HECW1: variants seen among roughly 807,000 people sequenced by gnomAD.
The protein encoded by HECW1 is HECT, C2 and WW domain containing E3 ubiquitin protein ligase 1, also known as E3 ubiquitin-protein ligase HECW1.
Under a neutral mutation model 182.3 loss-of-function variants are expected in HECW1, and 61 were observed. That is an observed-to-expected ratio of 0.33 (90% confidence interval 0.27 to 0.41). The LOEUF (loss-of-function observed/expected upper bound fraction) is 0.41, where lower values mean the gene tolerates loss of function less well. Ranked by LOEUF, HECW1 falls within the 10% of genes least tolerant of loss-of-function variation. The pLI, the probability that HECW1 is intolerant of heterozygous loss-of-function variation, is 1.00. For missense variants in HECW1, 1,739 were observed against 2,108.9 expected (o/e 0.82, Z 3.44); for synonymous variants, 859 against 832.6 (o/e 1.03, Z -0.55).
rs1200185313 is a variant in HECW1 at position 43,565,205 on chromosome 7, T to G, written c.*3279T>G. 4.9e-6 allele frequency: 1 copy of G among 202,052 alleles called. No homozygotes were observed. The highest frequency in any genetic ancestry group is 1.0e-5 in the Non-Finnish European group (1 of 98,246). The allele number at this position is 202,052 out of a possible 1,614,324, so 12.5% of individuals were successfully genotyped here. On this transcript the variant is annotated 3_prime_UTR_variant, in exon 30 of 30. Coordinates refer to ENST00000395891, the MANE Select transcript of HECW1 (RefSeq NM_015052.5). ...CTAAATCTACTGAACTCTTTGTAAT[T>G]TCCTATGTATATAAATGAGTGGAGG...
intron 2 of HECW1, among the ~76,000 whole-genome samples, chr7:43,122,259 C>T (rs1028097871): frequency 6.6e-6 from 1 of 152,186 alleles, no homozygotes; most frequent in African/African-American, 2.4e-5. Flanking sequence ...CAGCGTGAAT[C>T]CTGTCTTTCT....
intron 19 of HECW1, among the ~76,000 whole-genome samples, chr7:43,493,553 C>T (rs2079013570): frequency 6.6e-6 from 1 of 152,108 alleles, no homozygotes; most frequent in Non-Finnish European, 1.5e-5. Context: ...ATTGAGCAGC[C>T]GTGTTCGAAA....
chr7:43,199,414 T>C (rs1794831256), intron 2 of HECW1, among the ~76,000 whole-genome samples: 1 of 152,252 alleles, frequency 6.6e-6, no homozygotes, highest in Non-Finnish European at 1.5e-5. Flanking sequence ...GATCAATTTA[T>C]AAAATACATG....
At chr7:43,411,043 C>G (rs1480106623) in intron 8 of HECW1, among the ~76,000 whole-genome samples, 1 of 114,322 alleles carries the variant, frequency 8.7e-6, no homozygotes, top group East Asian at 2.2e-4. Flanking sequence ...TTATTGCCTT[C>G]TATTTTTTTT....
chr7:43,531,136 C>T (rs1460821582), intron 24 of HECW1, among the ~76,000 whole-genome samples: 4 of 152,160 alleles, frequency 2.6e-5, no homozygotes, highest in East Asian at 1.9e-4. Flanking sequence ...GACTCTTTTC[C>T]GATGTGATTT....
intron 5 of HECW1, among the ~76,000 whole-genome samples, chr7:43,345,799 TAC>T (rs58255657): frequency 0.062 from 9,375 of 150,714 alleles, 774 homozygotes; most frequent in African/African-American, 0.19. Flanking sequence ...ATCATATATA[TAC>T]ACACACACAC....
At chr7:43,514,537 C>T (rs1483038316) in intron 24 of HECW1, among the ~76,000 whole-genome samples, 1 of 152,134 alleles carries the variant, frequency 6.6e-6, no homozygotes, top group Non-Finnish European at 1.5e-5. Flanking sequence ...GATCCATCCT[C>T]CTTGGCCTCC....
In HECW1 at chr7:43,561,754, G is replaced by T. The variant is rs2082214917; in HGVS notation, c.4710-61G>T. ...TGAATCACAACTTCAGACAGTCACA[G>T]ATCCAGAACCAGTTGTATCATTGAA... is the stretch of plus-strand genomic sequence containing the variant. On this transcript the variant is annotated intron_variant, in intron 29 of 29. Transcript: ENST00000395891. 4.3e-6 allele frequency: 5 copies of T among 1,169,140 alleles called. No individual in the cohort carries two copies. The South Asian group carries it at 6.5e-5, about 15-fold the overall frequency. The allele number at this position is 1,169,140 out of a possible 1,614,324, so 72.4% of individuals were successfully genotyped here.
At chr7:43,479,403 C>T (rs1007977014) in intron 16 of HECW1, among the ~76,000 whole-genome samples, 8 of 152,130 alleles carry the variant, frequency 5.3e-5, no homozygotes, top group Non-Finnish European at 1.0e-4. Context: ...CTCACTCGCC[C>T]GTGGCTCACC....
intron 5 of HECW1, among the ~76,000 whole-genome samples, chr7:43,334,870 A>G (rs994239047): frequency 2.6e-5 from 4 of 152,232 alleles, no homozygotes; most frequent in Non-Finnish European, 4.4e-5. Context: ...CTCTATCTCT[A>G]TACCGAGTCT....
intron 17 of HECW1, among the ~76,000 whole-genome samples, chr7:43,480,825 T>C (rs892629454): frequency 9.2e-5 from 14 of 152,076 alleles, no homozygotes; most frequent in Admixed American, 9.2e-4. Context: ...CAATTCACCC[T>C]GCAGCCACCT....
At chr7:43,315,647 C>A (rs1198594881) in intron 4 of HECW1, among the ~76,000 whole-genome samples, 1 of 152,076 alleles carries the variant, frequency 6.6e-6, no homozygotes, top group Non-Finnish European at 1.5e-5. Context: ...GCATGCACCA[C>A]CACCCCTGGC....
rs1163940029 is a variant in HECW1, at chr7:43,554,898, C to T, written c.4709+108C>T. 4 of 1,001,138 alleles carry T rather than the reference C, an allele frequency of 4.0e-6. No individual in the cohort carries two copies. The South Asian group carries it at 4.7e-5, about 12-fold the overall frequency. 62.0% of individuals were successfully genotyped at this position (1,001,138 alleles called of 1,614,324 possible). On this transcript the variant is annotated intron_variant, in intron 29 of 29. Coordinates refer to ENST00000395891, the MANE Select transcript of HECW1 (RefSeq NM_015052.5). The stretch of plus-strand genomic sequence containing the variant: ...TTTGGGATGGAATTCTTTCCTGTCA[C>T]CCAAAGTATTGTCATTGGAGTTATT...
chr7:43,543,796 A>G (rs1037964272), intron 26 of HECW1, among the ~76,000 whole-genome samples: 2 of 151,802 alleles, frequency 1.3e-5, no homozygotes, highest in Non-Finnish European at 2.9e-5. Flanking sequence ...AAAAAAAAAA[A>G]AAGAAAAAAA....
At chr7:43,356,622 A>G (rs1562879324) in intron 5 of HECW1, among the ~76,000 whole-genome samples, 1 of 152,234 alleles carries the variant, frequency 6.6e-6, no homozygotes, top group Non-Finnish European at 1.5e-5. Flanking sequence ...AACATTCTTC[A>G]GAATAGACCA....
At chr7:43,122,064 T>G (rs1785679483) in intron 2 of HECW1, 1 of 152,214 alleles carries the variant, frequency 6.6e-6, no homozygotes, top group South Asian at 2.1e-4. Flanking sequence ...GGACAGATTT[T>G]TATTTGTTTG....
rs1248883866 is a variant in HECW1, at chr7:43,185,416, A to G, written c.-31-58459A>G. Among the ~76,000 whole-genome samples the G allele has an allele frequency of 2.1e-5, 3 of 145,392 alleles. No individual in the cohort carries two copies. The East Asian group carries it at 5.8e-4, about 28-fold the overall frequency. On this transcript the variant is annotated intron_variant, in intron 2 of 29. Transcript: ENST00000395891. ...GGGGTAAATAGTCGGAACTGTCTCAATTATAGGTGACAGCCTGCTTCTTGC... is the reference window on the plus strand; with the variant it reads ...GGGGTAAATAGTCGGAACTGTCTCAGTTATAGGTGACAGCCTGCTTCTTGC...
chr7:43,375,569 TAATA>T lies in HECW1; in HGVS notation c.555+14592_555+14595del, dbSNP rs777282773. 1.4e-3 allele frequency among the ~76,000 whole-genome samples: 220 copies of T among 152,148 alleles called. 1 individual carries two copies. The highest frequency in any genetic ancestry group is 1.3e-3 in the Non-Finnish European group (91 of 67,990). ...TTGCACCAATTAGCTAAATAAAAAATAATAAAGAGGTATTCTGTAACACTTGTTT... is the reference window on the plus strand; with the variant it reads ...TTGCACCAATTAGCTAAATAAAAAATAAGAGGTATTCTGTAACACTTGTTT... On this transcript the variant is annotated intron_variant, in intron 6 of 29. Coordinates refer to ENST00000395891, the MANE Select transcript of HECW1 (RefSeq NM_015052.5).
In HECW1 at chr7:43,226,615, G is replaced by A. The variant is rs566757523; in HGVS notation, c.-31-17260G>A. On this transcript the variant is annotated intron_variant, in intron 2 of 29. Transcript: ENST00000395891. Reference sequence around the variant, plus strand: ...AGACCAAACCATTAGGGTCTGTGTCGTTCCAGATCCTTGACGAAGCGGGTG... The same window carrying A: ...AGACCAAACCATTAGGGTCTGTGTCATTCCAGATCCTTGACGAAGCGGGTG... Among the ~76,000 whole-genome samples the A allele has an allele frequency of 1.1e-3, 171 of 152,280 alleles. 6 individuals are homozygous for A. In the South Asian group the frequency reaches 0.031, roughly 28 times the overall value.
Sources: allele counts gnomAD v4.1 joint callset (sites outside exome capture counted in the v4.1 genomes callset), GRCh38; gene constraint gnomAD v4.1.1; transcripts MANE v1.5; gene names NCBI Gene and HGNC (gene_info 2026-07-23, HGNC 2026-07-21).